Variants in ROBO2 observed in about 807,000 individuals in gnomAD.
ROBO2 encodes roundabout homolog 2.
ROBO2 carries 53 observed loss-of-function variants against 160.8 expected under a neutral mutation model. That is an observed-to-expected ratio of 0.33 (90% CI 0.26 to 0.41). ROBO2 has a LOEUF of 0.41. Among genes scored for constraint, ROBO2 ranks in the 10% least tolerant of loss-of-function variants. ROBO2 has a pLI of 1.00. For synonymous variants in ROBO2, 664 were observed against 611.7 expected (o/e 1.09, Z -1.26); for missense variants, 1,577 against 1,722.4 (o/e 0.92, Z 1.49).
At chr3:76,481,264 C>A (rs1048110486) in intron 2 of ROBO2, among the ~76,000 whole-genome samples, 5 of 152,000 alleles carry the variant, frequency 3.3e-5, no homozygotes, top group Admixed American at 2.6e-4. Flanking sequence ...TAAATGATAT[C>A]ATCTGTATTG....
chr3:76,114,372 T>G (rs1353694677), intron 2 of ROBO2, among the ~76,000 whole-genome samples: 2 of 152,002 alleles, frequency 1.3e-5, no homozygotes, highest in African/African-American at 4.8e-5. Flanking sequence ...AAGACTAGAG[T>G]CACAAGTTTG....
At chr3:76,228,984 A>G (rs1284112340) in intron 2 of ROBO2, among the ~76,000 whole-genome samples, 1 of 152,068 alleles carries the variant, frequency 6.6e-6, no homozygotes, top group African/African-American at 2.4e-5. Context: ...GCACCACTGC[A>G]CTCCAGCTTG....
intron 2 of ROBO2, among the ~76,000 whole-genome samples, chr3:76,740,579 A>G (rs932457315): frequency 8.5e-5 from 13 of 152,278 alleles, no homozygotes; most frequent in African/African-American, 2.9e-4. Flanking sequence ...GCATATTTAC[A>G]TGCATAAAAA....
intron 2 of ROBO2, among the ~76,000 whole-genome samples, chr3:76,486,704 G>C (rs563418419): frequency 6.6e-6 from 1 of 152,170 alleles, no homozygotes; most frequent in Admixed American, 6.5e-5. Context: ...TTATGTTCCT[G>C]TTATTTAGCA....
intron 2 of ROBO2, among the ~76,000 whole-genome samples, chr3:76,450,756 A>T (rs1247629699): frequency 6.6e-6 from 1 of 152,182 alleles, no homozygotes; most frequent in Non-Finnish European, 1.5e-5. Context: ...ACACTAAAAA[A>T]ATTTGCAAAT....
intron 2 of ROBO2, among the ~76,000 whole-genome samples, chr3:76,230,741 A>C (rs1256759835): frequency 6.6e-6 from 1 of 152,046 alleles, no homozygotes; most frequent in South Asian, 2.1e-4. Context: ...TAATTCCCAG[A>C]AAGATATGTT....
Position 76,852,963 on chromosome 3 carries a change from T to C in ROBO2, c.110-245051T>C, listed in dbSNP as rs902826896. Among the ~76,000 whole-genome samples the C allele has an allele frequency of 2.6e-5, 4 of 152,166 alleles. No homozygotes were observed. The South Asian group carries it at 8.3e-4, about 31-fold the overall frequency. The stretch of plus-strand genomic sequence containing the variant: ...TTAAACAACTTAGTTATTAAGGGAT[T>C]GTGTACATTCAAAAAGATGATATCT... On this transcript the variant is annotated intron_variant, in intron 2 of 26. Transcript: ENST00000487694.
chr3:76,836,178 T>C (rs987331876), intron 2 of ROBO2, among the ~76,000 whole-genome samples: 3 of 152,156 alleles, frequency 2.0e-5, no homozygotes, highest in Admixed American at 6.5e-5. Context: ...AGCCTATGAA[T>C]GAACTATAGA....
At chr3:77,605,840 A>C (rs998093805) in intron 20 of ROBO2, among the ~76,000 whole-genome samples, 1 of 152,190 alleles carries the variant, frequency 6.6e-6, no homozygotes, top group Non-Finnish European at 1.5e-5. Flanking sequence ...ACCACCTAAC[A>C]TTTCTAAAAG....
intron 2 of ROBO2, among the ~76,000 whole-genome samples, chr3:76,383,545 T>C (rs1023415841): frequency 1.3e-5 from 2 of 152,226 alleles, no homozygotes; most frequent in Non-Finnish European, 2.9e-5. Context: ...AAATAGTGCT[T>C]AAATTACTTG....
intron 2 of ROBO2, among the ~76,000 whole-genome samples, chr3:76,622,289 A>AGAAG (rs2089259552): frequency 1.0e-5 from 1 of 100,264 alleles, no homozygotes; most frequent in South Asian, 3.9e-4. Flanking sequence ...AAAGAAAGAA[A>AGAAG]GAAAGAAAGA....
chr3:77,522,840 A>T (rs2090749873), exon 6 of ROBO2: 1 of 1,609,730 alleles, frequency 6.2e-7, no homozygotes, highest in Non-Finnish European at 8.5e-7. Context: ...GAAGGCACCT[A>T]TATGTGTATT....
chr3:76,850,442 C>T (rs1264281100), intron 2 of ROBO2, among the ~76,000 whole-genome samples: 1 of 152,136 alleles, frequency 6.6e-6, no homozygotes, highest in Non-Finnish European at 1.5e-5. Flanking sequence ...TTCCAGGGAG[C>T]TTTGACCGAT....
intron 2 of ROBO2, among the ~76,000 whole-genome samples, chr3:76,134,507 A>G (rs953534757): frequency 1.3e-5 from 2 of 152,128 alleles, no homozygotes; most frequent in Non-Finnish European, 2.9e-5. Flanking sequence ...GGATAGGTTG[A>G]CAGTATCAGG....
At chr3:76,419,543 A>G (rs557605647) in intron 2 of ROBO2, among the ~76,000 whole-genome samples, 2 of 152,160 alleles carry the variant, frequency 1.3e-5, no homozygotes, top group Admixed American at 6.5e-5. Flanking sequence ...AAGATCTTCT[A>G]AATGAACTAC....
intron 2 of ROBO2, among the ~76,000 whole-genome samples, chr3:76,230,537 G>A (rs986269317): frequency 2.6e-5 from 4 of 151,860 alleles, no homozygotes; most frequent in African/African-American, 4.8e-5. Flanking sequence ...CCTCTTCTGC[G>A]TTCCTCGGTA....
At chr3:76,843,350 T>C (rs2068475321) in intron 2 of ROBO2, among the ~76,000 whole-genome samples, 1 of 151,928 alleles carries the variant, frequency 6.6e-6, no homozygotes. Flanking sequence ...TGACTCAAAA[T>C]AGAATATTAG....
intron 2 of ROBO2, among the ~76,000 whole-genome samples, chr3:76,524,652 G>A (rs1378721802): frequency 6.6e-6 from 1 of 151,026 alleles, no homozygotes; most frequent in Non-Finnish European, 1.5e-5. Flanking sequence ...ATACTACTGT[G>A]TTTAGTTTAT....
At chr3:76,904,943 T>TA (rs11391358) in intron 2 of ROBO2, among the ~76,000 whole-genome samples, 76,837 of 151,890 alleles carry the variant, frequency 0.51, 19,554 homozygotes, top group Middle Eastern at 0.66. Flanking sequence ...TCTTGACAGT[T>TA]ATGAAAGTAT....
Sources: gnomAD v4.1 joint callset for allele counts (sites outside exome capture counted in the v4.1 genomes callset) on GRCh38, gnomAD v4.1.1 for gene constraint, MANE v1.5 for transcripts, NCBI Gene and HGNC (gene_info 2026-07-23, HGNC 2026-07-21) for gene names.